RAPGEF2: variants seen among roughly 807,000 people sequenced by gnomAD.
The protein encoded by RAPGEF2 is Rap guanine nucleotide exchange factor 2.
RAPGEF2 carries 54 observed loss-of-function variants against 186.7 expected under a neutral mutation model. The ratio of observed to expected loss-of-function variants is 0.29; its 90% CI spans 0.23 to 0.36. The LOEUF (loss-of-function observed/expected upper bound fraction) is 0.36. Ranked by LOEUF, RAPGEF2 falls within the 10% of genes least tolerant of loss-of-function variation. RAPGEF2 has a pLI of 1.00. For missense variants in RAPGEF2, 1,532 were observed against 2,045.0 expected (o/e 0.75, Z 4.84); for synonymous variants, 712 against 705.9 (o/e 1.01, Z -0.14).
At chr4:159,355,412 A>G (rs1423903393) in intron 28 of RAPGEF2, among the ~76,000 whole-genome samples, 1 of 152,192 alleles carries the variant, frequency 6.6e-6, no homozygotes, top group Non-Finnish European at 1.5e-5. Context: ...ATGCCCAGAA[A>G]GAGGGCAGAT....
rs1233287368 is a variant in RAPGEF2, at chr4:159,103,940, C to T, written c.-223C>T. 6.5e-6 allele frequency: 1 copy of T among 152,958 alleles called. No individual in the cohort carries two copies. The highest frequency in any genetic ancestry group is 1.5e-5 in the Non-Finnish European group (1 of 68,692). The allele number at this position is 152,958 out of a possible 1,614,324, so 9.5% of individuals were successfully genotyped here. On this transcript the variant is annotated 5_prime_UTR_variant, in exon 1 of 30. Transcript: ENST00000691494. ...CACGGCAGCCTAGGGGCGCCGCGAC[C>T]CTCCCGGCTGCGTCCAGCCCCTCGC...
At position 159,353,470 on chromosome 4, in the gene RAPGEF2, T is replaced by G. The variant is rs767814670; in HGVS notation, c.4092-17T>G. ...ATCTTGTTTTTTTTTTCTTTTCCAT[T>G]TCTTTTAACCACTTAGGTCCTATGC... On this transcript the variant is annotated splice_polypyrimidine_tract_variant and intron_variant, in intron 27 of 29. Coordinates refer to ENST00000691494, the MANE Select transcript of RAPGEF2 (RefSeq NM_001394067.2). This position sits in a 1 kb window ranked among gnomAD's most constrained non-coding sequence, Gnocchi z 4.3. 7.1e-7 allele frequency: 1 copy of G among 1,404,092 alleles called. No homozygotes were observed. Among genetic ancestry groups the G allele is most frequent in the Non-Finnish European group, 9.3e-7 (1 of 1,072,960 alleles). 87.0% of individuals were successfully genotyped at this position (1,404,092 alleles called of 1,614,324 possible). A position where few individuals can be genotyped will look rare whatever the true frequency, so the allele number is the denominator to read the frequency against.
chr4:159,119,951 G>A (rs768313240), intron 1 of RAPGEF2, among the ~76,000 whole-genome samples: 1 of 152,070 alleles, frequency 6.6e-6, no homozygotes, highest in Non-Finnish European at 1.5e-5. Context: ...TCTACTTGTA[G>A]TAATACTTTG....
intron 1 of RAPGEF2, among the ~76,000 whole-genome samples, chr4:159,131,184 C>T (rs1741029620): frequency 6.6e-6 from 1 of 152,162 alleles, no homozygotes; most frequent in African/African-American, 2.4e-5. Context: ...GATCTCGGCT[C>T]ACCGCAACCT....
rs2111367165 is a variant in RAPGEF2 at position 159,358,846 on chromosome 4, C to G, written c.*707C>G. On this transcript the variant is annotated 3_prime_UTR_variant, in exon 30 of 30. Coordinates refer to ENST00000691494, the MANE Select transcript of RAPGEF2 (RefSeq NM_001394067.2). Reference sequence around the variant, plus strand: ...AGACGGGAAGACCTGGCTTGTGACCCTGGCTTCCCATGTCCTTCTGGTCTC... The same window carrying G: ...AGACGGGAAGACCTGGCTTGTGACCGTGGCTTCCCATGTCCTTCTGGTCTC... 1 of 152,360 alleles carries G rather than the reference C, an allele frequency of 6.6e-6. No individual in the cohort carries two copies. The highest frequency in any genetic ancestry group is 1.5e-5 in the Non-Finnish European group (1 of 68,050). 9.4% of individuals were successfully genotyped at this position (152,360 alleles called of 1,614,324 possible). A position where few individuals can be genotyped will look rare whatever the true frequency, so the allele number is the denominator to read the frequency against.
chr4:159,125,676 T>G (rs1274057345), intron 1 of RAPGEF2, among the ~76,000 whole-genome samples: 1 of 151,190 alleles, frequency 6.6e-6, no homozygotes, highest in Non-Finnish European at 1.5e-5. Flanking sequence ...GAGAATGGCG[T>G]GAACATGGGT....
chr4:159,106,059 A>G (rs1159163117), intron 1 of RAPGEF2, among the ~76,000 whole-genome samples: 1 of 152,182 alleles, frequency 6.6e-6, no homozygotes, highest in Non-Finnish European at 1.5e-5. Flanking sequence ...GAACTGTTAA[A>G]CTTTCCTGTT....
intron 7 of RAPGEF2, among the ~76,000 whole-genome samples, chr4:159,295,011 G>A (rs1189395082): frequency 6.6e-6 from 1 of 152,138 alleles, no homozygotes; most frequent in Admixed American, 6.5e-5. Flanking sequence ...CATTTCTTCA[G>A]CAATGAAGTG....
At chr4:159,350,100 A>G (rs1208511386) in intron 25 of RAPGEF2, 37 bp from the exon 26 acceptor site, 4 of 1,396,884 alleles carry the variant, frequency 2.9e-6, no homozygotes, top group East Asian at 4.8e-5. Flanking sequence ...TTCAGACTTG[A>G]AAATACATAT....
At chr4:159,315,034 G>T (rs1325918560) in intron 9 of RAPGEF2, among the ~76,000 whole-genome samples, 1 of 107,422 alleles carries the variant, frequency 9.3e-6, no homozygotes, top group African/African-American at 3.3e-5. Flanking sequence ...CTTAGTTTAT[G>T]ACAAAAAAAA....
At chr4:159,113,209 A>G (rs948364177) in intron 1 of RAPGEF2, among the ~76,000 whole-genome samples, 1 of 152,222 alleles carries the variant, frequency 6.6e-6, no homozygotes, top group African/African-American at 2.4e-5. Flanking sequence ...GACAAGAACA[A>G]CAACAAAAAA....
chr4:159,197,032 A>T (rs924885200), intron 3 of RAPGEF2, among the ~76,000 whole-genome samples: 2 of 152,214 alleles, frequency 1.3e-5, no homozygotes, highest in Non-Finnish European at 2.9e-5. Flanking sequence ...CCTTGCCTTT[A>T]TTATCTACTC....
rs141395022 is a variant in RAPGEF2 at position 159,291,449 on chromosome 4, T to C, written c.544-12893T>C. Among the ~76,000 whole-genome samples, 387 of 152,138 alleles carry C rather than the reference T, an allele frequency of 2.5e-3. 1 individual carries two copies. The highest frequency in any genetic ancestry group is 9.1e-3 in the African/African-American group (377 of 41,514). ...TAGCTGGGACTACAGACGTGTGTCA[T>C]CACACCCGGCTAATTTTTGTATTTC... On this transcript the variant is annotated intron_variant, in intron 7 of 29. Transcript: ENST00000691494.
chr4:159,226,931 A>G (rs955678417), intron 4 of RAPGEF2, among the ~76,000 whole-genome samples: 2 of 152,164 alleles, frequency 1.3e-5, no homozygotes, highest in Non-Finnish European at 2.9e-5. Context: ...TATCTTTGTA[A>G]AAGATTATAT....
At chr4:159,197,873 CT>C (rs1184411600) in intron 3 of RAPGEF2, among the ~76,000 whole-genome samples, 1 of 152,206 alleles carries the variant, frequency 6.6e-6, no homozygotes, top group Non-Finnish European at 1.5e-5. Context: ...GCATTTACCT[CT>C]TGTCCCACTC....
Position 159,186,721 on chromosome 4 carries a change from T to G in RAPGEF2, c.140+9T>G. On this transcript the variant is annotated intron_variant, in intron 2 of 29. Transcript: ENST00000691494. ...AGGGAGCATCAACTTAGGTATGTCA[T>G]TTTAATATTCAGTTAATCATAGAAT... 2 of 1,403,426 alleles carry G rather than the reference T, an allele frequency of 1.4e-6. No homozygotes were observed. Among genetic ancestry groups the G allele is most frequent in the Non-Finnish European group, 1.9e-6 (2 of 1,039,830 alleles). The allele number at this position is 1,403,426 out of a possible 1,614,324, so 86.9% of individuals were successfully genotyped here.
At chr4:159,282,200 A>T (rs1759809031) in intron 7 of RAPGEF2, among the ~76,000 whole-genome samples, 1 of 152,164 alleles carries the variant, frequency 6.6e-6, no homozygotes, top group Admixed American at 6.6e-5. Flanking sequence ...ATGGTGATTC[A>T]GAGATTTATT....
At chr4:159,357,023 T>C (rs184873571) in intron 29 of RAPGEF2, among the ~76,000 whole-genome samples, 17 of 152,292 alleles carry the variant, frequency 1.1e-4, no homozygotes, top group African/African-American at 3.6e-4. Flanking sequence ...ATTTGCGCTT[T>C]TAATGAATTG....
intron 1 of RAPGEF2, among the ~76,000 whole-genome samples, chr4:159,160,997 A>G (rs912246000): frequency 6.6e-6 from 1 of 152,148 alleles, no homozygotes; most frequent in African/African-American, 2.4e-5. Flanking sequence ...TTTTTTAATC[A>G]TAGGTTTTGA....
Sources: allele counts gnomAD v4.1 joint callset (sites outside exome capture counted in the v4.1 genomes callset), GRCh38; gene constraint gnomAD v4.1.1; non-coding constraint Gnocchi (gnomAD v3.1); transcripts MANE v1.5; gene names NCBI Gene and HGNC (gene_info 2026-07-23, HGNC 2026-07-21).